Variants in CEP78 observed in about 807,000 individuals in gnomAD.
CEP78 encodes the protein centrosomal protein 78.
In CEP78, 76 loss-of-function variants were observed where a neutral mutation model predicts 81.2. The observed-to-expected ratio is 0.94, with a 90% CI of 0.78 to 1.13. CEP78 has a LOEUF of 1.13. Ranked by LOEUF, CEP78 falls within the 50% of genes most tolerant of loss-of-function variation. The pLI, the probability that CEP78 is intolerant of heterozygous loss-of-function variation, is 0.00. For missense variants in CEP78, 918 were observed against 846.8 expected (o/e 1.08, Z -1.04); for synonymous variants, 293 against 301.4 (o/e 0.97, Z 0.29).
At chr9:78,250,766 A>G (rs543533024) in intron 8 of CEP78, among the ~76,000 whole-genome samples, 17 of 152,314 alleles carry the variant, frequency 1.1e-4, no homozygotes, top group Non-Finnish European at 1.8e-4. Flanking sequence ...TTATATTTGC[A>G]TTACTTTCTA....
intron 5 of CEP78, among the ~76,000 whole-genome samples, chr9:78,244,266 A>G (rs1435778304): frequency 6.6e-6 from 1 of 150,698 alleles, no homozygotes; most frequent in Non-Finnish European, 1.5e-5. Context: ...CCCTCCGAGT[A>G]GCTGGCACTA....
chr9:78,267,176 T>G, intron 16 of CEP78: 1 of 552,810 alleles, frequency 1.8e-6, no homozygotes, highest in Non-Finnish European at 3.0e-6. Flanking sequence ...TTTGATAGTT[T>G]ACAACATTGA....
At chr9:78,269,663 A>G (rs1016823708) in intron 16 of CEP78, among the ~76,000 whole-genome samples, 5 of 152,212 alleles carry the variant, frequency 3.3e-5, no homozygotes, top group African/African-American at 7.2e-5. Context: ...AATGAGAGCA[A>G]TTCACTGAAT....
intron 11 of CEP78, among the ~76,000 whole-genome samples, chr9:78,262,076 A>G (rs897506949): frequency 3.3e-5 from 5 of 152,188 alleles, no homozygotes; most frequent in Non-Finnish European, 1.5e-5. Flanking sequence ...ATGCTCTTCC[A>G]CATCAGAGAA....
intron 11 of CEP78, among the ~76,000 whole-genome samples, chr9:78,257,743 G>A (rs1827104537): frequency 6.6e-6 from 1 of 152,202 alleles, no homozygotes; most frequent in Admixed American, 6.5e-5. Context: ...AAATCCACTT[G>A]AGCTTGTCCG....
intron 13 of CEP78, among the ~76,000 whole-genome samples, chr9:78,264,695 C>T (rs1295444259): frequency 6.7e-6 from 1 of 149,532 alleles, no homozygotes; most frequent in Non-Finnish European, 1.5e-5. Context: ...TAATTGGTAG[C>T]TGTGATTCTT....
intron 16 of CEP78, among the ~76,000 whole-genome samples, chr9:78,270,439 T>C (rs76627818): frequency 0.018 from 2,733 of 152,292 alleles, 90 homozygotes; most frequent in African/African-American, 0.062. Flanking sequence ...TTTCATTTGG[T>C]TTAGAGAAAG....
chr9:78,269,792 T>G (rs1454391207), intron 16 of CEP78, among the ~76,000 whole-genome samples: 1 of 152,140 alleles, frequency 6.6e-6, no homozygotes, highest in Non-Finnish European at 1.5e-5. Flanking sequence ...GGAAATGGAG[T>G]TAGCTGAAGA....
At chr9:78,259,909 A>C (rs570933567) in intron 11 of CEP78, among the ~76,000 whole-genome samples, 17 of 152,370 alleles carry the variant, frequency 1.1e-4, no homozygotes, top group African/African-American at 3.8e-4. Context: ...CCTTTTATCT[A>C]TTAGAGAAAA....
intron 14 of CEP78, 62 bp downstream of exon 14, chr9:78,265,605 A>C: frequency 5.7e-6 from 8 of 1,414,874 alleles, no homozygotes; most frequent in Non-Finnish European, 7.7e-6. Context: ...GGAATTACTA[A>C]GTCAGAGAGA....
chr9:78,266,344 A>G (rs2118491490), intron 15 of CEP78, 98 bp from the exon 16 acceptor site: 1 of 920,248 alleles, frequency 1.1e-6, no homozygotes, highest in African/African-American at 1.7e-5. Context: ...TGACCTGGAA[A>G]TCTTCTAAGA....
intron 11 of CEP78, among the ~76,000 whole-genome samples, chr9:78,261,952 G>T (rs539396768): frequency 2.0e-5 from 3 of 151,988 alleles, no homozygotes; most frequent in Non-Finnish European, 2.9e-5. Flanking sequence ...TTTGAAAATC[G>T]TGAAAAACAT....
chr9:78,244,276 A>G (rs573256511), intron 5 of CEP78, among the ~76,000 whole-genome samples: 4 of 151,536 alleles, frequency 2.6e-5, no homozygotes, highest in Non-Finnish European at 5.9e-5. Flanking sequence ...AGCTGGCACT[A>G]CAGGTGCACA....
rs1357125467 is a variant in CEP78 at position 78,275,070 on chromosome 9, A to G, written c.*4219A>G. 1 of 152,200 alleles carries G rather than the reference A, an allele frequency of 6.6e-6. No homozygotes were observed. The highest frequency in any genetic ancestry group is 1.5e-5 in the Non-Finnish European group (1 of 68,038). 9.4% of individuals were successfully genotyped at this position (152,200 alleles called of 1,614,324 possible). ...AAGAAAAAAAAGCAAGAAGTAATTA[A>G]CAAAAATTGCCAGCATTAGGAATAA... On this transcript the variant is annotated 3_prime_UTR_variant, in exon 17 of 17. Transcript: ENST00000643273.
Position 78,278,200 on chromosome 9 carries a change from TTCA to T in CEP78, c.*7354_*7356del, listed in dbSNP as rs778108199. The T allele has an allele frequency of 6.6e-6, 1 of 152,190 alleles. No homozygotes were observed. The highest frequency in any genetic ancestry group is 1.5e-5 in the Non-Finnish European group (1 of 68,022). 9.4% of individuals were successfully genotyped at this position (152,190 alleles called of 1,614,324 possible). On this transcript the variant is annotated 3_prime_UTR_variant, in exon 17 of 17. Transcript: ENST00000643273. ...CAACAGACAATTTTTAAAATTCCTT[TTCA>T]TCATAGAAAATGAAAATGTGTACTC...
rs759131184 is a variant in CEP78 at position 78,276,028 on chromosome 9, C to T, written c.*5177C>T. On this transcript the variant is annotated 3_prime_UTR_variant, in exon 17 of 17. Coordinates refer to ENST00000643273, the MANE Select transcript of CEP78 (RefSeq NM_001330691.3). The stretch of plus-strand genomic sequence containing the variant: ...GGATAGAAAAGAGATGTAAGGCTCC[C>T]TAATTCATTCCATACGGTTAGCGTA... 3.3e-5 allele frequency: 5 copies of T among 152,160 alleles called. No individual in the cohort carries two copies. Among genetic ancestry groups the T allele is most frequent in the Non-Finnish European group, 5.9e-5 (4 of 68,028 alleles). 9.4% of individuals were successfully genotyped at this position (152,160 alleles called of 1,614,324 possible).
intron 8 of CEP78, 131 bp from the exon 9 acceptor site, chr9:78,251,777 A>G (rs2118294617): frequency 3.6e-6 from 2 of 553,828 alleles, no homozygotes; most frequent in Non-Finnish European, 2.9e-6. Flanking sequence ...TTACAAATTG[A>G]TCCTGATTTA....
chr9:78,267,349 A>C (rs1827587054), intron 16 of CEP78, among the ~76,000 whole-genome samples: 1 of 152,238 alleles, frequency 6.6e-6, no homozygotes, highest in Non-Finnish European at 1.5e-5. Context: ...AAGGGATGGG[A>C]GTGAATAAAT....
At chr9:78,263,588 CA>C (rs1827377156) in intron 12 of CEP78, among the ~76,000 whole-genome samples, 1 of 152,158 alleles carries the variant, frequency 6.6e-6, no homozygotes, top group African/African-American at 2.4e-5. Context: ...TTGTATAAGG[CA>C]AAAGGTGCTT....
Sources: gnomAD v4.1 joint callset for allele counts (sites outside exome capture counted in the v4.1 genomes callset) on GRCh38, gnomAD v4.1.1 for gene constraint, MANE v1.5 for transcripts, NCBI Gene and HGNC (gene_info 2026-07-23, HGNC 2026-07-21) for gene names.